Variants in THRAP3 observed in about 807,000 individuals in gnomAD.
The protein encoded by THRAP3 is thyroid hormone receptor-associated protein 3.
Under a neutral mutation model 101.0 loss-of-function variants are expected in THRAP3, and 16 were observed. The observed-to-expected ratio is 0.16, with a 90% CI of 0.11 to 0.24. The LOEUF (loss-of-function observed/expected upper bound fraction) is 0.24, where lower values mean the gene tolerates loss of function less well. THRAP3 is among the 10% of genes least tolerant of loss of function. The probability of loss-of-function intolerance (pLI) is 1.00; values close to 1 mark genes in which losing one functional copy is unlikely to be tolerated. For missense variants in THRAP3, 989 were observed against 1,202.7 expected (o/e 0.82, Z 2.63); for synonymous variants, 407 against 422.6 (o/e 0.96, Z 0.45).
chr1:36,257,923 CTCTGCT>C (rs1251886184), intron 1 of THRAP3, among the ~76,000 whole-genome samples: 1 of 152,200 alleles, frequency 6.6e-6, no homozygotes, highest in African/African-American at 2.4e-5. Flanking sequence ...ACACTGCAAC[CTCTGCT>C]TCCCGAGTTC....
chr1:36,259,618 T>A, intron 2 of THRAP3, 134 bp downstream of exon 2: 2 of 382,410 alleles, frequency 5.2e-6, no homozygotes, highest in Non-Finnish European at 4.6e-6. Context: ...TAAAAAAATT[T>A]AACCAGGCCT....
chr1:36,277,593 A>G (rs1570313913), intron 2 of THRAP3, among the ~76,000 whole-genome samples: 1 of 151,694 alleles, frequency 6.6e-6, no homozygotes, highest in South Asian at 2.1e-4. Flanking sequence ...TGCATCTTCA[A>G]CCTCCCAGGC....
At chr1:36,235,269 G>A (rs995082964) in intron 1 of THRAP3, among the ~76,000 whole-genome samples, 1 of 152,082 alleles carries the variant, frequency 6.6e-6, no homozygotes, top group Non-Finnish European at 1.5e-5. Flanking sequence ...TGACACCATA[G>A]ATAATAATAT....
intron 2 of THRAP3, among the ~76,000 whole-genome samples, chr1:36,267,445 A>G (rs2124520215): frequency 6.6e-6 from 1 of 152,302 alleles, no homozygotes; most frequent in South Asian, 2.1e-4. Context: ...CATGCACCAA[A>G]TAAGAGTTTG....
chr1:36,262,197 G>T (rs1446974755), intron 2 of THRAP3, among the ~76,000 whole-genome samples: 2 of 152,124 alleles, frequency 1.3e-5, no homozygotes, highest in East Asian at 3.8e-4. Context: ...TTTACTTTCT[G>T]TTTATACCAA....
chr1:36,292,264 C>CTTTTTTT (rs774003081), intron 6 of THRAP3, among the ~76,000 whole-genome samples: 13 of 20,560 alleles, frequency 6.3e-4, no homozygotes, highest in African/African-American at 1.8e-3. Flanking sequence ...TTCTTTGTTT[C>CTTTTTTT]TTTTTTTTTT....
chr1:36,245,332 A>G (rs1645218461), intron 1 of THRAP3, among the ~76,000 whole-genome samples: 1 of 150,684 alleles, frequency 6.6e-6, no homozygotes, highest in Non-Finnish European at 1.5e-5. Flanking sequence ...ACACCCGGCT[A>G]ATTTTTTTGT....
At chr1:36,277,698 G>C (rs1354510706) in intron 2 of THRAP3, among the ~76,000 whole-genome samples, 1 of 152,060 alleles carries the variant, frequency 6.6e-6, no homozygotes, top group Non-Finnish European at 1.5e-5. Context: ...GTTGGTTTTT[G>C]AAAAGGGTGA....
At chr1:36,248,372 C>CTCAAGTGA (rs1645256952) in intron 1 of THRAP3, among the ~76,000 whole-genome samples, 1 of 151,388 alleles carries the variant, frequency 6.6e-6, no homozygotes, top group African/African-American at 2.4e-5. Flanking sequence ...AACTCCTAGC[C>CTCAAGTGA]TCAAGTGATC....
At chr1:36,301,884 A>G (rs1002661414) in intron 11 of THRAP3, among the ~76,000 whole-genome samples, 188 bp downstream of exon 11, 4 of 152,206 alleles carry the variant, frequency 2.6e-5, no homozygotes, top group African/African-American at 2.4e-5. Context: ...CTGGTCTTCA[A>G]AGGGTTTATC....
intron 2 of THRAP3, among the ~76,000 whole-genome samples, chr1:36,280,200 C>T (rs1487235830): frequency 6.6e-6 from 1 of 152,140 alleles, no homozygotes; most frequent in Non-Finnish European, 1.5e-5. Flanking sequence ...TTTCTCTATG[C>T]CTCAAAATTC....
At position 36,291,471 on chromosome 1, in the gene THRAP3, C is replaced by G. The variant is rs1443298901; in HGVS notation, c.1843C>G (p.Gln615Glu). Residue 615 changes from glutamine to glutamate, a missense_variant, in exon 6 of 12, where the codon CAA (glutamine) becomes GAA (glutamate). Coordinates refer to ENST00000354618, the MANE Select transcript of THRAP3 (RefSeq NM_005119.4). ...QEFRSIFQHIQSAQSQRSPSE... is the reference protein window; with the variant it reads ...QEFRSIFQHIESAQSQRSPSE... ...GTTTCGTTCCATTTTCCAGCACATA[C>G]AATCAGCTCAGTCTCAGCGTAGCCC... 3.1e-6 allele frequency: 5 copies of G among 1,614,074 alleles called. No individual in the cohort carries two copies. The South Asian group carries it at 4.4e-5, about 14-fold the overall frequency.
chr1:36,289,479 CAGA>C lies in THRAP3; in HGVS notation c.1461_1463del (p.Glu489del). On this transcript the variant is annotated inframe_deletion, in exon 5 of 12. Coordinates refer to ENST00000354618, the MANE Select transcript of THRAP3 (RefSeq NM_005119.4). Reference sequence around the variant, plus strand: ...CCAGGGAAGGAAAAGCAGAGAAAAACAGAGGAGCTGGAGGAGGAGTCTTTCCCA... The same window carrying C: ...CCAGGGAAGGAAAAGCAGAGAAAAACGGAGCTGGAGGAGGAGTCTTTCCCA... 6.2e-7 allele frequency: 1 copy of C among 1,614,162 alleles called. No individual in the cohort carries two copies. The highest frequency in any genetic ancestry group is 8.5e-7 in the Non-Finnish European group (1 of 1,180,036).
rs1286594885 is a variant in THRAP3, at chr1:36,241,399, A to G, written c.-135+16894A>G. ...TGATAATGGGTGTATATATATATAT[A>G]TATATATATATATATATATATATAT... is the stretch of plus-strand genomic sequence containing the variant. On this transcript the variant is annotated intron_variant, in intron 1 of 11. Transcript: ENST00000354618. Among the ~76,000 whole-genome samples, 77 of 11,708 alleles carry G rather than the reference A, an allele frequency of 6.6e-3. 1 individual carries two copies. Among genetic ancestry groups the G allele is most frequent in the Admixed American group, 0.01 (5 of 486 alleles). 7.7% of individuals were successfully genotyped at this position (11,708 alleles called of 152,430 possible). A position where few individuals can be genotyped will look rare whatever the true frequency, so the allele number is the denominator to read the frequency against.
At chr1:36,275,819 C>T in intron 2 of THRAP3, among the ~76,000 whole-genome samples, 1 of 151,518 alleles carries the variant, frequency 6.6e-6, no homozygotes, top group East Asian at 2.0e-4. Flanking sequence ...CCAGGAGTTC[C>T]AGACCAGTCT....
chr1:36,294,723 A>C (rs1645923143), intron 8 of THRAP3, among the ~76,000 whole-genome samples: 1 of 152,050 alleles, frequency 6.6e-6, no homozygotes, highest in South Asian at 2.1e-4. Context: ...TCCTCCGAGT[A>C]CCCCTTCTCC....
rs557849369 is a variant in THRAP3 at position 36,286,012 on chromosome 1, G to A, written c.138-356G>A. Among the ~76,000 whole-genome samples, 202 of 152,118 alleles carry A rather than the reference G, an allele frequency of 1.3e-3. No homozygotes were observed. Among genetic ancestry groups the A allele is most frequent in the Non-Finnish European group, 2.6e-3 (177 of 68,024 alleles). ...GACCTGGAGCCCTGTTAAAATCCCC[G>A]TGCCTGTGAAACTGTAAGCTATTAT... On this transcript the variant is annotated intron_variant, in intron 3 of 11. Transcript: ENST00000354618. This position sits in a 1 kb window ranked among gnomAD's most constrained non-coding sequence, Gnocchi z 5.5.
chr1:36,261,461 A>G (rs973512959), intron 2 of THRAP3, among the ~76,000 whole-genome samples: 2 of 152,216 alleles, frequency 1.3e-5, no homozygotes, highest in Admixed American at 1.3e-4. Context: ...TGAACCCGGG[A>G]GGCGGAGCTT....
At chr1:36,243,914 G>T (rs1240371259) in intron 1 of THRAP3, among the ~76,000 whole-genome samples, 1 of 140,356 alleles carries the variant, frequency 7.1e-6, no homozygotes, top group Non-Finnish European at 1.6e-5. Flanking sequence ...GCGGCTGGCC[G>T]GGCGGGGGGC....
Sources: allele counts gnomAD v4.1 joint callset (sites outside exome capture counted in the v4.1 genomes callset), GRCh38; gene constraint gnomAD v4.1.1; non-coding constraint Gnocchi (gnomAD v3.1); transcripts MANE v1.5; gene names NCBI Gene and HGNC (gene_info 2026-07-23, HGNC 2026-07-21).